OTUD7B: variants seen among roughly 807,000 people sequenced by gnomAD.
The protein encoded by OTUD7B is OTU deubiquitinase 7B, also known as OTU domain-containing protein 7B.
Under a neutral mutation model 82.2 loss-of-function variants are expected in OTUD7B, and 34 were observed. The observed-to-expected ratio is 0.41, with a 90% CI of 0.31 to 0.55. The LOEUF (loss-of-function observed/expected upper bound fraction) is 0.55. OTUD7B is among the 20% of genes least tolerant of loss of function. OTUD7B has a pLI of 0.20. For missense variants in OTUD7B, 944 were observed against 1,062.1 expected, an observed-to-expected ratio of 0.89 and a Z score of 1.55; for synonymous variants, 398 against 402.7, an observed-to-expected ratio of 0.99 and a Z score of 0.14.
chr1:149,965,924 C>A (rs782627528), intron 4 of OTUD7B, 46 bp from the exon 5 acceptor site: 17 of 1,471,054 alleles, frequency 1.2e-5, no homozygotes, highest in Non-Finnish European at 1.6e-5. Flanking sequence ...TCCATGAAGC[C>A]CTTCCACCTT....
chr1:149,977,700 A>T (rs587766330), intron 1 of OTUD7B, 124 bp from the exon 2 acceptor site: 1 of 543,966 alleles, frequency 1.8e-6, no homozygotes, highest in South Asian at 2.6e-5. Context: ...GTTGAATTTT[A>T]AAATACAGCA....
At chr1:149,992,471 T>G (rs12730704) in intron 1 of OTUD7B, among the ~76,000 whole-genome samples, 1 of 1,582 alleles carries the variant, frequency 6.3e-4, no homozygotes, top group Non-Finnish European at 0.021. Context: ...GCATGTGTTT[T>G]TTTTTTTTTT....
At position 149,959,607 on chromosome 1, in the gene OTUD7B, C is replaced by A; in HGVS notation, c.845+77G>T. 7 of 854,320 alleles carry A rather than the reference C, an allele frequency of 8.2e-6. No individual in the cohort carries two copies. The South Asian group carries it at 9.8e-5, about 12-fold the overall frequency. The allele number at this position is 854,320 out of a possible 1,614,324, so 52.9% of individuals were successfully genotyped here. ...CTTCTAATATCCTCTTAGCACAGAG[C>A]TCTCTAGACACTGGGCTGTGGAAGC... On this transcript the variant is annotated intron_variant, in intron 7 of 11. Coordinates refer to ENST00000581312, the MANE Select transcript of OTUD7B (RefSeq NM_020205.4).
rs370308013 is a variant in OTUD7B at position 150,001,721 on chromosome 1, AT to A, written c.-67+8726del. 1.1e-3 allele frequency among the ~76,000 whole-genome samples: 172 copies of A among 152,326 alleles called. 1 individual carries two copies. The highest frequency in any genetic ancestry group is 4.1e-3 in the African/African-American group (169 of 41,558). ...TGTACCCTTGCCCACTTGAGAAAGA[AT>A]TAAGACTTGGCAGCTCTGCTTAAGT... On this transcript the variant is annotated intron_variant, in intron 1 of 11. Transcript: ENST00000581312.
the OTUD7B span, among the ~76,000 whole-genome samples, chr1:150,032,710 GGAGGAA>G: frequency 1.4e-5 from 2 of 141,944 alleles, no homozygotes; most frequent in South Asian, 2.2e-4. Context: ...AGGAGGAGGA[GGAGGAA>G]GAAGAAGAAG....
At chr1:149,951,845 C>A (rs1012074673) in intron 7 of OTUD7B, among the ~76,000 whole-genome samples, 1 of 151,886 alleles carries the variant, frequency 6.6e-6, no homozygotes, top group Admixed American at 6.6e-5. Context: ...ATACTAAACA[C>A]TCATGTATCC....
chr1:149,940,256 TC>T lies in OTUD7B; in HGVS notation c.*3600del, dbSNP rs1255637217. 5.3e-5 allele frequency: 8 copies of T among 152,070 alleles called. No individual in the cohort carries two copies. The highest frequency in any genetic ancestry group is 1.9e-4 in the African/African-American group (8 of 41,416). 9.4% of individuals were successfully genotyped at this position (152,070 alleles called of 1,614,324 possible). On this transcript the variant is annotated 3_prime_UTR_variant, in exon 12 of 12. Coordinates refer to ENST00000581312, the MANE Select transcript of OTUD7B (RefSeq NM_020205.4). The stretch of plus-strand genomic sequence containing the variant: ...ACTGAGCTAATAGAGGGAAGGTACT[TC>T]CCTTCCACTGCCCTCTACAGCACTG...
At chr1:150,061,414 T>G in the OTUD7B span, among the ~76,000 whole-genome samples, 1 of 152,260 alleles carries the variant, frequency 6.6e-6, no homozygotes. Context: ...TATTTTGTTA[T>G]AAAATCATAC....
At chr1:150,050,784 G>A in the OTUD7B span, among the ~76,000 whole-genome samples, 3 of 151,882 alleles carry the variant, frequency 2.0e-5, no homozygotes. Context: ...ATTCAAGGGC[G>A]CCCTCTGTCT....
At chr1:149,985,745 T>TG (rs1457090928) in intron 1 of OTUD7B, among the ~76,000 whole-genome samples, 3 of 4,168 alleles carry the variant, frequency 7.2e-4, no homozygotes, top group Non-Finnish European at 1.3e-3. Context: ...AGACCCTGTA[T>TG]GAAAAAAAAA....
chr1:150,002,672 T>C (rs1214761740), intron 1 of OTUD7B, among the ~76,000 whole-genome samples: 1 of 152,190 alleles, frequency 6.6e-6, no homozygotes, highest in African/African-American at 2.4e-5. Flanking sequence ...TGCTGAAGAC[T>C]GAATTCTAGA....
chr1:149,973,068 A>C (rs1242905342), intron 2 of OTUD7B, among the ~76,000 whole-genome samples: 2 of 151,840 alleles, frequency 1.3e-5, no homozygotes, highest in African/African-American at 4.8e-5. Flanking sequence ...ACATCTCTCA[A>C]ATCCATTTCT....
intron 7 of OTUD7B, among the ~76,000 whole-genome samples, chr1:149,957,345 A>G (rs1648764202): frequency 6.6e-6 from 1 of 151,584 alleles, no homozygotes; most frequent in Admixed American, 6.5e-5. Context: ...AGGCTGCAGA[A>G]CAGCAAATAT....
chr1:149,950,178 A>G lies in OTUD7B; in HGVS notation c.889T>C (p.Phe297Leu). 1.9e-6 allele frequency: 3 copies of G among 1,613,940 alleles called. No individual in the cohort carries two copies. The highest frequency in any genetic ancestry group is 2.5e-6 in the Non-Finnish European group (3 of 1,179,976). ...EEPVYESLEE[F>L]HVFVLAHVLR... is the part of the protein sequence containing the mutation. ...ACATGAGCAAGGACAAAGACGTGAA[A>G]CTCTTCAAGGCTCTCATATACAGGC... The change falls in exon 8 of 12, where the codon TTT becomes CTT. Residue 297 changes from phenylalanine (F) to leucine (L), a missense_variant. Physicochemically the swap from Phe to Leu is conservative, Grantham distance 22. Around this residue, in one of 3 missense-constraint regions of OTUD7B, gnomAD observed 530 missense variants for 625.6 expected, o/e 0.85. Coordinates refer to ENST00000581312, the MANE Select transcript of OTUD7B (RefSeq NM_020205.4).
intron 1 of OTUD7B, among the ~76,000 whole-genome samples, chr1:150,003,031 G>A (rs912438819): frequency 3.3e-5 from 5 of 151,900 alleles, no homozygotes; most frequent in African/African-American, 7.3e-5. Flanking sequence ...CGGGCGGATC[G>A]CGAGGTCAGG....
the OTUD7B span, among the ~76,000 whole-genome samples, chr1:150,039,617 C>A: frequency 1.3e-5 from 2 of 152,154 alleles, no homozygotes; most frequent in Non-Finnish European, 2.9e-5. Context: ...ACCTCGTGAT[C>A]GCCTGCCTCG....
rs1177106628 is a variant in OTUD7B at position 149,944,892 on chromosome 1, T to C, written c.1497A>G (p.Ala499=). The C allele has an allele frequency of 2.5e-5, 41 of 1,614,076 alleles. No homozygotes were observed. The highest frequency in any genetic ancestry group is 3.5e-5 in the Non-Finnish European group (41 of 1,180,048). ...KRDREKDKKR[A]DSVANKLGSF... The stretch of plus-strand genomic sequence containing the variant: ...TGCCCAGTTTGTTAGCCACAGAATC[T>C]GCTCTCTTCTTGTCCTTCTCCCGAT... Residue 499 remains alanine (A), a synonymous_variant, in exon 12 of 12, where the codon GCA becomes GCG. Coordinates refer to ENST00000581312, the MANE Select transcript of OTUD7B (RefSeq NM_020205.4).
chr1:150,054,233 C>T, the OTUD7B span: 3 of 444,458 alleles, frequency 6.7e-6, no homozygotes, highest in African/African-American at 2.0e-5. Context: ...GCTTTCAAAG[C>T]TGTTGAGCCA....
At chr1:150,025,817 T>C in the OTUD7B span, among the ~76,000 whole-genome samples, 13 of 152,342 alleles carry the variant, frequency 8.5e-5, no homozygotes, top group South Asian at 2.5e-3. Context: ...AGAGCAATTA[T>C]TGTGGCAGGG....
Sources: allele counts gnomAD v4.1 joint callset (sites outside exome capture counted in the v4.1 genomes callset), GRCh38; gene constraint gnomAD v4.1.1; regional missense constraint gnomAD v4.1.1; transcripts MANE v1.5; gene names NCBI Gene and HGNC (gene_info 2026-07-23, HGNC 2026-07-21).